MYT1: variants seen among roughly 807,000 people sequenced by gnomAD.
MYT1 encodes myelin transcription factor I.
A neutral mutation model predicts 123.0 loss-of-function variants in MYT1; 23 were observed. The ratio of observed to expected loss-of-function variants is 0.19; its 90% CI spans 0.13 to 0.26. The LOEUF is 0.26. Among genes scored for constraint, MYT1 ranks in the 10% least tolerant of loss-of-function variants. MYT1 has a pLI of 1.00. For missense variants in MYT1, 1,125 were observed against 1,472.5 expected, an observed-to-expected ratio of 0.76 and a Z score of 3.86; for synonymous variants, 518 against 575.3, an observed-to-expected ratio of 0.90 and a Z score of 1.43.
At position 64,239,202 on chromosome 20, in the gene MYT1, T is replaced by A. The variant is rs529170154; in HGVS notation, c.3094-558T>A. 8.5e-5 allele frequency among the ~76,000 whole-genome samples: 13 copies of A among 152,330 alleles called. 1 individual carries two copies. The highest frequency in any genetic ancestry group is 3.4e-3 in the Middle Eastern group (1 of 294). On this transcript the variant is annotated intron_variant, in intron 21 of 22. Transcript: ENST00000328439. ...GTGGGGAAGTGAGAAGACTTGCCTG[T>A]AGTTGGCCTGGGGAAGTCGTGCTTG...
rs931322229 is a variant in MYT1 at position 64,189,462 on chromosome 20, G to A, written c.-98-601G>A. ...ACTGGAGGCATTGCCCTGGAGAGAGGCAGAAACACAGGGTGACAAAAGATG... is the reference window on the plus strand; with the variant it reads ...ACTGGAGGCATTGCCCTGGAGAGAGACAGAAACACAGGGTGACAAAAGATG... On this transcript the variant is annotated intron_variant, in intron 1 of 22. Coordinates refer to ENST00000328439, the MANE Select transcript of MYT1 (RefSeq NM_004535.3). The surrounding 1 kb of genome is among the most constrained non-coding windows in gnomAD (Gnocchi z 5.5). 6.6e-6 allele frequency among the ~76,000 whole-genome samples: 1 copy of A among 152,170 alleles called. No individual in the cohort carries two copies. The highest frequency in any genetic ancestry group is 6.5e-5 in the Admixed American group (1 of 15,274).
chr20:64,214,937 A>G (rs1339063499), intron 10 of MYT1, among the ~76,000 whole-genome samples: 7 of 152,148 alleles, frequency 4.6e-5, no homozygotes, highest in Admixed American at 2.6e-4. Flanking sequence ...GTTCCTCTGA[A>G]GGTGCAATTC....
At chr20:64,173,674 G>A (rs78227594) in intron 1 of MYT1, among the ~76,000 whole-genome samples, 210 of 62,742 alleles carry the variant, frequency 3.3e-3, no homozygotes, top group Middle Eastern at 0.012. Context: ...CCCCTCCCTG[G>A]CTTCTCCTCC....
rs1228949510 is a variant in MYT1, at chr20:64,175,392, CCTG to C, written c.-99+10654_-99+10656del. Among the ~76,000 whole-genome samples the C allele has an allele frequency of 2.9e-3, 33 of 11,298 alleles. 1 individual carries two copies. Among genetic ancestry groups the C allele is most frequent in the East Asian group, 0.01 (2 of 192 alleles). 7.4% of individuals were successfully genotyped at this position (11,298 alleles called of 152,430 possible). A position where few individuals can be genotyped will look rare whatever the true frequency, so the allele number is the denominator to read the frequency against. On this transcript the variant is annotated intron_variant, in intron 1 of 22. Transcript: ENST00000328439. ...CCTGGCTTCTCCTGCAGCATCTTTC[CCTG>C]TAGTTGTGTCCATTTCCCCTCCCTG... is the stretch of plus-strand genomic sequence containing the variant.
At chr20:64,235,418 T>C (rs1185597508) in intron 19 of MYT1, among the ~76,000 whole-genome samples, 126 of 98,570 alleles carry the variant, frequency 1.3e-3, no homozygotes, top group South Asian at 3.9e-3. Context: ...TGGTGGGTGA[T>C]GCTGGGATGG....
rs1601708163 is a variant in MYT1, at chr20:64,196,214, C to T, written c.1-2648C>T. On this transcript the variant is annotated intron_variant, in intron 2 of 22. Transcript: ENST00000328439. The surrounding 1 kb of genome is among the most constrained non-coding windows in gnomAD (Gnocchi z 4.3). ...ATTGAGAAGTGTTTAATTTTCTTTGCATCATTGAGCTGCCCTTTAGGGCCC... is the reference window on the plus strand; with the variant it reads ...ATTGAGAAGTGTTTAATTTTCTTTGTATCATTGAGCTGCCCTTTAGGGCCC... Among the ~76,000 whole-genome samples, 2 of 152,070 alleles carry T rather than the reference C, an allele frequency of 1.3e-5. No individual in the cohort carries two copies.
intron 10 of MYT1, among the ~76,000 whole-genome samples, chr20:64,216,034 A>G (rs1309193518): frequency 6.6e-6 from 1 of 152,144 alleles, no homozygotes; most frequent in Non-Finnish European, 1.5e-5. Flanking sequence ...GGTAGTGTTC[A>G]GTTCTTCCAG....
chr20:64,207,651 C>T lies in MYT1; in HGVS notation c.455C>T (p.Ser152Phe), dbSNP rs778209094. Residue 152 changes from serine (S) to phenylalanine (F), a missense_variant, in exon 7 of 23, where the codon TCC becomes TTC. Physicochemically the swap from Ser to Phe is radical, Grantham distance 155. Transcript: ENST00000328439. ...AACCCCATCGGCAGCGCCACTGCCT[C>T]CTCCAAGGGCAGCTACAGCAGCTAC... ...GSNPIGSATASSKGSYSSYQG... is the reference protein window; with the variant it reads ...GSNPIGSATAFSKGSYSSYQG... The T allele has an allele frequency of 9.9e-6, 16 of 1,613,924 alleles. No individual in the cohort carries two copies. In the Admixed American group the frequency reaches 2.7e-4, roughly 27 times the overall value.
At chr20:64,170,880 TATATAGAGAGAGAGAGAGAGAGAG>T (rs1207059968) in intron 1 of MYT1, among the ~76,000 whole-genome samples, 1 of 49,156 alleles carries the variant, frequency 2.0e-5, no homozygotes, top group Non-Finnish European at 3.4e-5. Context: ...TATATATATA[TATATAGAGAGAGAGAGAGAGAGAG>T]AGAGAGAGAG....
chr20:64,229,169 A>G (rs957156557), intron 18 of MYT1, among the ~76,000 whole-genome samples: 1 of 152,220 alleles, frequency 6.6e-6, no homozygotes, highest in Non-Finnish European at 1.5e-5. Context: ...ACTGTAATGA[A>G]TGCTAAATTA....
chr20:64,238,121 A>AAAG (rs1437109152), intron 21 of MYT1, among the ~76,000 whole-genome samples: 66 of 151,616 alleles, frequency 4.4e-4, no homozygotes, highest in African/African-American at 1.6e-3. Flanking sequence ...GAAAAAAAAA[A>AAAG]GCAGTAAAGA....
At chr20:64,227,333 C>A in intron 16 of MYT1, 82 bp from the exon 17 acceptor site, 1 of 1,361,134 alleles carries the variant, frequency 7.3e-7, no homozygotes, top group Non-Finnish European at 1.0e-6. Context: ...GCCCAGAAGG[C>A]TTTCCTCTGG....
rs1241153098 is a variant in MYT1, at chr20:64,189,986, C to G, written c.-98-77C>G. 6.5e-6 allele frequency: 1 copy of G among 152,672 alleles called. No homozygotes were observed. The highest frequency in any genetic ancestry group is 1.5e-5 in the Non-Finnish European group (1 of 68,050). 9.5% of individuals were successfully genotyped at this position (152,672 alleles called of 1,614,324 possible). ...TTAAAAAAGTGCCTCAAGTTTCTCA[C>G]TTTCTCCCCTTGAGCCAGCACGGCT... On this transcript the variant is annotated intron_variant, in intron 1 of 22. Coordinates refer to ENST00000328439, the MANE Select transcript of MYT1 (RefSeq NM_004535.3). This position sits in a 1 kb window ranked among gnomAD's most constrained non-coding sequence, Gnocchi z 5.5.
intron 21 of MYT1, 128 bp from the exon 22 acceptor site, chr20:64,239,632 G>C: frequency 7.3e-7 from 1 of 1,363,826 alleles, no homozygotes; most frequent in Non-Finnish European, 1.0e-6. Flanking sequence ...GGAAGGCAGG[G>C]TCCCTGCCTC....
At chr20:64,219,056 G>A (rs1342815892) in intron 12 of MYT1, 21 bp downstream of exon 12, 4 of 1,596,674 alleles carry the variant, frequency 2.5e-6, no homozygotes, top group Non-Finnish European at 2.6e-6. Context: ...CTGCCACAGA[G>A]CCTTTCTTGG....
At chr20:64,224,526 G>A (rs1984110976) in intron 16 of MYT1, among the ~76,000 whole-genome samples, 1 of 152,184 alleles carries the variant, frequency 6.6e-6, no homozygotes, top group African/African-American at 2.4e-5. Context: ...GTGGGGTGCA[G>A]CATCTAAGTT....
intron 15 of MYT1, 50 bp downstream of exon 15, chr20:64,223,223 T>TTCCTCCTCTCC (rs2145726258): frequency 6.2e-7 from 1 of 1,613,530 alleles, no homozygotes. Flanking sequence ...GTGGTGGGTC[T>TTCCTCCTCTCC]TCCTCCTCTC....
At chr20:64,204,764 G>A (rs971269815) in intron 4 of MYT1, among the ~76,000 whole-genome samples, 6 of 152,222 alleles carry the variant, frequency 3.9e-5, no homozygotes, top group Non-Finnish European at 7.3e-5. Context: ...GGCAGCTAGT[G>A]GAATGCCTGC....
rs1199308757 is a variant in MYT1, at chr20:64,193,923, T to C, written c.-1+3763T>C. On this transcript the variant is annotated intron_variant, in intron 2 of 22. Transcript: ENST00000328439. The surrounding 1 kb of genome is among the most constrained non-coding windows in gnomAD (Gnocchi z 4.0). ...AAAATAAAACACTACCGTGTCTCCT[T>C]CTCTGGCCCAGCGCTGGGGTGAATG... 6.6e-6 allele frequency among the ~76,000 whole-genome samples: 1 copy of C among 152,180 alleles called. No homozygotes were observed. Among genetic ancestry groups the C allele is most frequent in the Non-Finnish European group, 1.5e-5 (1 of 68,024 alleles).
Sources: allele counts gnomAD v4.1 joint callset (sites outside exome capture counted in the v4.1 genomes callset), GRCh38; gene constraint gnomAD v4.1.1; non-coding constraint Gnocchi (gnomAD v3.1); transcripts MANE v1.5; gene names NCBI Gene and HGNC (gene_info 2026-07-23, HGNC 2026-07-21).